Variants in USP12 observed in about 807,000 individuals in gnomAD.
USP12 encodes the protein ubiquitin carboxyl-terminal hydrolase 12.
USP12 carries 19 observed loss-of-function variants against 45.5 expected under a neutral mutation model. The ratio of observed to expected loss-of-function variants is 0.42; its 90% CI spans 0.29 to 0.61. The LOEUF (loss-of-function observed/expected upper bound fraction) is 0.61. Among genes scored for constraint, USP12 ranks in the 20% least tolerant of loss-of-function variants. The probability of loss-of-function intolerance (pLI) is 0.22; values close to 1 mark genes in which losing one functional copy is unlikely to be tolerated. For synonymous variants in USP12, 149 were observed against 148.8 expected, an observed-to-expected ratio of 1.00 and a Z score of -0.01; for missense variants, 242 against 447.7, an observed-to-expected ratio of 0.54 and a Z score of 4.15.
At chr13:27,147,396 G>T (rs1253635536) in intron 1 of USP12, among the ~76,000 whole-genome samples, 1 of 152,086 alleles carries the variant, frequency 6.6e-6, no homozygotes, top group Non-Finnish European at 1.5e-5. Context: ...TATATTATCA[G>T]CTGAGACATA....
At chr13:27,148,651 G>A (rs1877418386) in intron 1 of USP12, among the ~76,000 whole-genome samples, 1 of 136,108 alleles carries the variant, frequency 7.3e-6, no homozygotes, top group African/African-American at 2.8e-5. Context: ...TCCAGCCAGG[G>A]TGACAGAGAC....
At chr13:27,110,146 A>AAAAC (rs1875365741) in intron 2 of USP12, among the ~76,000 whole-genome samples, 1 of 150,392 alleles carries the variant, frequency 6.6e-6, no homozygotes, top group African/African-American at 2.4e-5. Context: ...AAAAAAAAAA[A>AAAAC]GGATAAGTGG....
intron 3 of USP12, among the ~76,000 whole-genome samples, chr13:27,104,756 T>TG (rs1339123633): frequency 1.3e-5 from 2 of 152,236 alleles, no homozygotes; most frequent in Admixed American, 6.5e-5. Context: ...CTGTGTACAG[T>TG]GTCAACTGAC....
At chr13:27,161,751 G>A (rs940484471) in intron 1 of USP12, among the ~76,000 whole-genome samples, 6 of 151,942 alleles carry the variant, frequency 3.9e-5, no homozygotes, top group Non-Finnish European at 7.4e-5. Context: ...GCATGGTAGT[G>A]TGTGCCTGTA....
At chr13:27,107,096 A>G (rs1170039) in intron 2 of USP12, among the ~76,000 whole-genome samples, 150,337 of 152,268 alleles carry the variant, frequency 0.99, 74,247 homozygotes, top group East Asian at 1. Context: ...AGGCCGAGGC[A>G]GGCGGATCAC....
intron 3 of USP12, among the ~76,000 whole-genome samples, chr13:27,103,607 A>AAAAAATAAAT (rs372985958): frequency 7.8e-6 from 1 of 128,520 alleles, no homozygotes; most frequent in Non-Finnish European, 1.6e-5. Context: ...TCAAAAAAAA[A>AAAAAATAAAT]AATAATAATA....
chr13:27,124,134 ACTAACTAC>A (rs1220265001), intron 1 of USP12, among the ~76,000 whole-genome samples: 1 of 152,196 alleles, frequency 6.6e-6, no homozygotes, highest in Admixed American at 6.5e-5. Context: ...AAAACATACA[ACTAACTAC>A]CTTTCACTCC....
intron 2 of USP12, among the ~76,000 whole-genome samples, chr13:27,114,769 T>TAAAA (rs11366017): frequency 6.3e-5 from 9 of 142,724 alleles, no homozygotes; most frequent in African/African-American, 2.0e-4. Context: ...TCTCCATTTT[T>TAAAA]AAAAAAAAAA....
Position 27,069,054 on chromosome 13 carries a change from TC to T in USP12, c.*228del. ...AGGAGCTGGTATCTCTGATTTCACC[TC>T]CTTGTTGTATGGAACTGTACAGACA... On this transcript the variant is annotated 3_prime_UTR_variant, in exon 9 of 9. Transcript: ENST00000282344. The T allele has an allele frequency of 1.9e-6, 1 of 516,480 alleles. No individual in the cohort carries two copies. Among genetic ancestry groups the T allele is most frequent in the East Asian group, 3.3e-5 (1 of 30,142 alleles). 32.0% of individuals were successfully genotyped at this position (516,480 alleles called of 1,614,324 possible).
Position 27,116,593 on chromosome 13 carries a change from C to T in USP12, c.52G>A (p.Ala18Thr), listed in dbSNP as rs771072514. 24 of 1,610,742 alleles carry T rather than the reference C, an allele frequency of 1.5e-5. No individual in the cohort carries two copies. Among genetic ancestry groups the T allele is most frequent in the Non-Finnish European group, 1.8e-5 (21 of 1,179,436 alleles). The change falls in exon 2 of 9, where the codon GCC becomes ACC. Residue 18 changes from alanine (A) to threonine (T), a missense_variant. Ala to Thr is a moderately conservative substitution (Grantham distance 58). Coordinates refer to ENST00000282344, the MANE Select transcript of USP12 (RefSeq NM_182488.4). ...SKFASICTMG[A>T]NASALEKEIG... ...TCTTTCTCTAATGCCGAAGCATTGGCGCCCTATAAAATGAAAAACAAAAAT... is the reference window on the plus strand; with the variant it reads ...TCTTTCTCTAATGCCGAAGCATTGGTGCCCTATAAAATGAAAAACAAAAAT...
At chr13:27,102,011 TAATGAATG>T (rs57318848) in intron 3 of USP12, among the ~76,000 whole-genome samples, 28 of 151,746 alleles carry the variant, frequency 1.8e-4, no homozygotes, top group African/African-American at 5.1e-4. Context: ...TCCCATTTTT[TAATGAATG>T]AATGAATGAA....
chr13:27,154,281 C>T (rs1877714581), intron 1 of USP12, among the ~76,000 whole-genome samples: 1 of 152,070 alleles, frequency 6.6e-6, no homozygotes, highest in Admixed American at 6.6e-5. Context: ...CTCTGTTGAG[C>T]AAGGGCATAT....
intron 1 of USP12, among the ~76,000 whole-genome samples, chr13:27,155,973 T>TA (rs533155805): frequency 6.6e-6 from 1 of 151,998 alleles, no homozygotes; most frequent in Non-Finnish European, 1.5e-5. Flanking sequence ...AAATATTTCT[T>TA]AAAAAAAACC....
chr13:27,107,518 C>T (rs1431610815), intron 2 of USP12, among the ~76,000 whole-genome samples: 1 of 151,234 alleles, frequency 6.6e-6, no homozygotes, highest in Non-Finnish European at 1.5e-5. Context: ...TTAGAAATAT[C>T]AACATAAACT....
At chr13:27,141,012 CTTTT>C (rs11455614) in intron 1 of USP12, among the ~76,000 whole-genome samples, 4 of 122,566 alleles carry the variant, frequency 3.3e-5, no homozygotes, top group Admixed American at 8.7e-5. Flanking sequence ...TGTGAAGTCA[CTTTT>C]TTTTTTTTTT....
chr13:27,142,659 C>CA (rs1311821299), intron 1 of USP12, among the ~76,000 whole-genome samples: 3 of 152,006 alleles, frequency 2.0e-5, no homozygotes, highest in Admixed American at 6.5e-5. Flanking sequence ...CAAGATTTAT[C>CA]AAAAAAATTA....
At chr13:27,074,512 C>A (rs1335216534) in intron 7 of USP12, among the ~76,000 whole-genome samples, 1 of 151,980 alleles carries the variant, frequency 6.6e-6, no homozygotes, top group Non-Finnish European at 1.5e-5. Context: ...TTTCCCAAAA[C>A]CAAGGGGAAA....
intron 3 of USP12, among the ~76,000 whole-genome samples, chr13:27,099,785 C>G (rs548265190): frequency 6.6e-6 from 1 of 152,288 alleles, no homozygotes; most frequent in South Asian, 2.1e-4. Context: ...AAGAATGCAA[C>G]TGAAGCCACA....
chr13:27,089,126 C>T lies in USP12; in HGVS notation c.734+757G>A, dbSNP rs561196269. 3.9e-5 allele frequency among the ~76,000 whole-genome samples: 6 copies of T among 152,108 alleles called. No individual in the cohort carries two copies. The East Asian group carries it at 1.2e-3, about 29-fold the overall frequency. On this transcript the variant is annotated intron_variant, in intron 6 of 8. Coordinates refer to ENST00000282344, the MANE Select transcript of USP12 (RefSeq NM_182488.4). ...CCAAATTGAAAAAGACTAAAGAGAC[C>T]GAATGCTAAATGTAATGTGGGATTC...
Sources: allele counts gnomAD v4.1 joint callset (sites outside exome capture counted in the v4.1 genomes callset), GRCh38; gene constraint gnomAD v4.1.1; transcripts MANE v1.5; gene names NCBI Gene and HGNC (gene_info 2026-07-23, HGNC 2026-07-21).